FOXP2: variants seen among roughly 807,000 people sequenced by gnomAD.
The protein encoded by FOXP2 is forkhead box P2.
In FOXP2, 12 loss-of-function variants were observed where a neutral mutation model predicts 115.8. The observed-to-expected ratio is 0.10, with a 90% confidence interval of 0.07 to 0.17. The LOEUF is 0.17. FOXP2 is among the 10% of genes least tolerant of loss of function. FOXP2 has a pLI of 1.00. For missense variants in FOXP2, 629 were observed against 843.5 expected (o/e 0.75, Z 3.15); for synonymous variants, 328 against 297.7 (o/e 1.10, Z -1.05).
intron 3 of FOXP2, among the ~76,000 whole-genome samples, chr7:114,541,402 A>G (rs1257938140): frequency 1.3e-5 from 2 of 152,084 alleles, no homozygotes; most frequent in Non-Finnish European, 2.9e-5. Context: ...GGATTTATTA[A>G]GGAAGGTCAA....
chr7:114,176,934 T>G (rs1793332471), intron 1 of FOXP2, among the ~76,000 whole-genome samples: 1 of 152,176 alleles, frequency 6.6e-6, no homozygotes, highest in African/African-American at 2.4e-5. Flanking sequence ...TTGAACTTTA[T>G]ACAAATGGTA....
At chr7:114,617,524 C>A (rs1002032985) in intron 3 of FOXP2, among the ~76,000 whole-genome samples, 3 of 152,132 alleles carry the variant, frequency 2.0e-5, no homozygotes, top group Non-Finnish European at 4.4e-5. Context: ...CTGGGCGAGG[C>A]GGCTCACGCG....
chr7:114,269,455 T>C (rs956945656), intron 1 of FOXP2, among the ~76,000 whole-genome samples: 2 of 152,154 alleles, frequency 1.3e-5, no homozygotes, highest in Non-Finnish European at 2.9e-5. Flanking sequence ...AGACACAGTC[T>C]TGCTCTGTCA....
chr7:114,529,184 A>ATTCTACAGCTG (rs1245721256), intron 2 of FOXP2, among the ~76,000 whole-genome samples: 3 of 151,836 alleles, frequency 2.0e-5, no homozygotes, highest in African/African-American at 7.2e-5. Flanking sequence ...TCTCCCTTTT[A>ATTCTACAGCTG]AACTCATTCT....
chr7:114,637,767 AAGG>A (rs1179126164), intron 6 of FOXP2, among the ~76,000 whole-genome samples: 1 of 152,166 alleles, frequency 6.6e-6, no homozygotes, highest in Non-Finnish European at 1.5e-5. Context: ...TGACCCTCAG[AAGG>A]AGTCCTGAGA....
intron 1 of FOXP2, among the ~76,000 whole-genome samples, chr7:114,138,171 A>G (rs550659807): frequency 6.6e-6 from 1 of 152,304 alleles, no homozygotes; most frequent in African/African-American, 2.4e-5. Flanking sequence ...TTAACCCCCA[A>G]GGAGGTACAG....
intron 2 of FOXP2, among the ~76,000 whole-genome samples, chr7:114,313,463 C>CATTATTTGAAATT (rs1797194639): frequency 2.5e-5 from 3 of 117,864 alleles, no homozygotes; most frequent in African/African-American, 5.0e-5. Flanking sequence ...AAAATATTGT[C>CATTATTTGAAATT]GGCCGGGCGC....
intron 2 of FOXP2, among the ~76,000 whole-genome samples, chr7:114,319,706 C>T (rs760413733): frequency 2.1e-4 from 32 of 152,098 alleles, no homozygotes; most frequent in Non-Finnish European, 4.4e-4. Flanking sequence ...GGGAACTACA[C>T]GATGAGATTT....
chr7:114,482,116 CGA>C (rs1024968880), intron 2 of FOXP2, among the ~76,000 whole-genome samples: 7 of 151,400 alleles, frequency 4.6e-5, no homozygotes, highest in Admixed American at 2.6e-4. Context: ...ACAGGAGGAT[CGA>C]GAGAGAGGGA....
At chr7:114,648,627 T>G (rs1806051120) in intron 8 of FOXP2, among the ~76,000 whole-genome samples, 1 of 152,100 alleles carries the variant, frequency 6.6e-6, no homozygotes, top group African/African-American at 2.4e-5. Context: ...ATTGGAAGGA[T>G]CCTTTCCTAC....
At chr7:114,338,692 A>G (rs1028334737) in intron 2 of FOXP2, among the ~76,000 whole-genome samples, 1 of 150,874 alleles carries the variant, frequency 6.6e-6, no homozygotes, top group Non-Finnish European at 1.5e-5. Flanking sequence ...AAATTCACTA[A>G]GAGTGTAGTC....
chr7:114,145,224 AC>A (rs1792331948), intron 1 of FOXP2, among the ~76,000 whole-genome samples: 1 of 152,204 alleles, frequency 6.6e-6, no homozygotes, highest in Non-Finnish European at 1.5e-5. Flanking sequence ...TGTTTTATAA[AC>A]TGAAGTTTAT....
At chr7:114,598,641 T>A (rs1802851075) in intron 3 of FOXP2, among the ~76,000 whole-genome samples, 1 of 152,170 alleles carries the variant, frequency 6.6e-6, no homozygotes, top group Non-Finnish European at 1.5e-5. Context: ...AACAGATTTC[T>A]AAGTGTACAG....
intron 2 of FOXP2, among the ~76,000 whole-genome samples, chr7:114,342,098 A>T (rs1791232059): frequency 1.3e-5 from 2 of 151,450 alleles, no homozygotes; most frequent in South Asian, 2.1e-4. Context: ...TCATTGATTC[A>T]CAAAGTTTTT....
intron 2 of FOXP2, among the ~76,000 whole-genome samples, chr7:114,306,167 T>A (rs966853413): frequency 1.3e-5 from 2 of 152,144 alleles, no homozygotes; most frequent in Admixed American, 1.3e-4. Context: ...GGTATTTGAT[T>A]TTACCCTACT....
In FOXP2 at chr7:114,250,656, T is replaced by A. The variant is rs544034789; in HGVS notation, c.-101-37363T>A. On this transcript the variant is annotated intron_variant, in intron 1 of 17. Transcript: ENST00000634411. ...ACTTTTCGATGGGATTGTTTTTGTT[T>A]TTGTAAATTTGTTTGAGTTTTTTGT... Among the ~76,000 whole-genome samples the A allele has an allele frequency of 2.6e-5, 4 of 152,236 alleles. No individual in the cohort carries two copies. In the South Asian group the frequency reaches 8.3e-4, roughly 32 times the overall value.
chr7:114,520,548 T>C (rs1798572522), intron 2 of FOXP2, among the ~76,000 whole-genome samples: 1 of 152,056 alleles, frequency 6.6e-6, no homozygotes, highest in Non-Finnish European at 1.5e-5. Flanking sequence ...ATAGACTTAA[T>C]AAAGGAGTTA....
intron 1 of FOXP2, among the ~76,000 whole-genome samples, chr7:114,220,049 TC>T (rs1452553964): frequency 5.3e-5 from 8 of 151,038 alleles, no homozygotes; most frequent in South Asian, 2.1e-4. Context: ...TTTTTTTTTT[TC>T]AGTAGAGACG....
At chr7:114,508,041 C>T (rs1408392878) in intron 2 of FOXP2, among the ~76,000 whole-genome samples, 1 of 151,740 alleles carries the variant, frequency 6.6e-6, no homozygotes, top group Admixed American at 6.6e-5. Flanking sequence ...GATAGAAATG[C>T]AAAAATGAAT....
Sources: allele counts gnomAD v4.1 joint callset (sites outside exome capture counted in the v4.1 genomes callset), GRCh38; gene constraint gnomAD v4.1.1; transcripts MANE v1.5; gene names NCBI Gene and HGNC (gene_info 2026-07-23, HGNC 2026-07-21).